PCDHGA11: variants seen among roughly 807,000 people sequenced by gnomAD.
The protein encoded by PCDHGA11 is protocadherin gamma subfamily A, 11, also known as protocadherin gamma-A11.
In PCDHGA11, 39 loss-of-function variants were observed where a neutral mutation model predicts 60.4. The observed-to-expected ratio is 0.65, with a 90% CI of 0.50 to 0.84. The LOEUF is 0.84. PCDHGA11 is among the 40% of genes least tolerant of loss of function. The pLI, the probability that PCDHGA11 is intolerant of heterozygous loss-of-function variation, is 0.00. For synonymous variants in PCDHGA11, 533 were observed against 510.3 expected, an observed-to-expected ratio of 1.04 and a Z score of -0.60; for missense variants, 1,165 against 1,197.7, an observed-to-expected ratio of 0.97 and a Z score of 0.40.
chr5:141,494,680 C>G (rs552351026), intron 1 of PCDHGA11, 127 bp from the exon 2 acceptor site: 2 of 1,560,096 alleles, frequency 1.3e-6, no homozygotes, highest in East Asian at 4.6e-5. Context: ...CCACCCCTGC[C>G]CCCTCTTAGT....
chr5:141,506,435 G>A (rs1470687416), intron 3 of PCDHGA11, among the ~76,000 whole-genome samples: 7 of 126,234 alleles, frequency 5.5e-5, no homozygotes, highest in African/African-American at 2.0e-4. Context: ...CAACAGTCTC[G>A]CTCTGTCTCA....
chr5:141,455,055 G>T (rs1019622889), intron 1 of PCDHGA11, among the ~76,000 whole-genome samples: 1 of 151,602 alleles, frequency 6.6e-6, no homozygotes, highest in African/African-American at 2.4e-5. Flanking sequence ...CTCGTGATCC[G>T]CCCGCCTCGG....
chr5:141,450,470 A>AGTTT (rs199699353), intron 1 of PCDHGA11, among the ~76,000 whole-genome samples: 2,037 of 151,800 alleles, frequency 0.013, 39 homozygotes, highest in African/African-American at 0.044. Flanking sequence ...TTATATATAG[A>AGTTT]GTTTGTTTGT....
In PCDHGA11 at chr5:141,423,390, T is replaced by C. The variant is rs751337994; in HGVS notation, c.2163T>C (p.His721=). ...TGGCACTCAGGCTGTGGCGCTGGCATAAGTCACGCCTGCTGCAGGCTTCTG... is the reference window on the plus strand; with the variant it reads ...TGGCACTCAGGCTGTGGCGCTGGCACAAGTCACGCCTGCTGCAGGCTTCTG... The part of the protein sequence containing the change: ...VLLALRLWRW[H]KSRLLQASEG... The change falls in exon 1 of 4, where the codon CAT becomes CAC. Residue 721 remains histidine, a synonymous_variant. Coordinates refer to ENST00000398587, the MANE Select transcript of PCDHGA11 (RefSeq NM_018914.3). 2.5e-6 allele frequency: 4 copies of C among 1,614,144 alleles called. No homozygotes were observed. In the South Asian group the frequency reaches 3.3e-5, roughly 13 times the overall value.
chr5:141,453,116 GT>G (rs2098756689), intron 1 of PCDHGA11, among the ~76,000 whole-genome samples: 1 of 151,698 alleles, frequency 6.6e-6, no homozygotes, highest in Admixed American at 6.6e-5. Context: ...GTTTTGTTTT[GT>G]TTTGTTTTGT....
chr5:141,505,267 A>G (rs2099845018), intron 2 of PCDHGA11, 126 bp from the exon 3 acceptor site: 1 of 1,514,640 alleles, frequency 6.6e-7, no homozygotes, highest in Admixed American at 2.0e-5. Flanking sequence ...TACCTTGCTG[A>G]GAGAAACAGG....
intron 1 of PCDHGA11, among the ~76,000 whole-genome samples, chr5:141,492,409 C>A (rs1367119266): frequency 6.6e-6 from 1 of 152,230 alleles, no homozygotes; most frequent in Non-Finnish European, 1.5e-5. Flanking sequence ...TCCCCTCTGC[C>A]GCTCCCTCCG....
intron 1 of PCDHGA11, among the ~76,000 whole-genome samples, chr5:141,466,965 C>G (rs1345790988): frequency 6.6e-6 from 1 of 152,016 alleles, no homozygotes; most frequent in African/African-American, 2.4e-5. Context: ...CAAATATTTT[C>G]TCACAGCTCA....
Position 141,432,253 on chromosome 5 carries a change from G to A in PCDHGA11, c.2433+8593G>A, listed in dbSNP as rs1193159615. ...CCCTGGCTGAGAACACCATCCAAGGGGCAAGCCTATCGTCCTACGTGTCCA... is the reference window on the plus strand; with the variant it reads ...CCCTGGCTGAGAACACCATCCAAGGAGCAAGCCTATCGTCCTACGTGTCCA... On this transcript the variant is annotated intron_variant, in intron 1 of 3. Coordinates refer to ENST00000398587, the MANE Select transcript of PCDHGA11 (RefSeq NM_018914.3). The surrounding 1 kb of genome is among the most constrained non-coding windows in gnomAD (Gnocchi z 6.0). 2.5e-6 allele frequency: 4 copies of A among 1,614,086 alleles called. No individual in the cohort carries two copies. Among genetic ancestry groups the A allele is most frequent in the Non-Finnish European group, 3.4e-6 (4 of 1,180,046 alleles).
Position 141,431,374 on chromosome 5 carries a change from GGCT to G in PCDHGA11, c.2433+7718_2433+7720del, listed in dbSNP as rs752583215. The G allele has an allele frequency of 1.7e-4, 275 of 1,613,980 alleles. No individual in the cohort carries two copies. Among genetic ancestry groups the G allele is most frequent in the Non-Finnish European group, 2.0e-4 (238 of 1,180,036 alleles). On this transcript the variant is annotated intron_variant, in intron 1 of 3. Coordinates refer to ENST00000398587, the MANE Select transcript of PCDHGA11 (RefSeq NM_018914.3). This position sits in a 1 kb window ranked among gnomAD's most constrained non-coding sequence, Gnocchi z 4.8. Reference sequence around the variant, plus strand: ...AACGCGCCCTGGACCGCGAAGAAAAGGCTGCTCACCACCTGGTCCTTACGGCCT... The same window carrying G: ...AACGCGCCCTGGACCGCGAAGAAAAGGCTCACCACCTGGTCCTTACGGCCT...
intron 1 of PCDHGA11, chr5:141,478,198 A>G (rs1393603398): frequency 6.2e-7 from 1 of 1,613,864 alleles, no homozygotes; most frequent in East Asian, 2.2e-5. Flanking sequence ...CCTTTTATCT[A>G]CTTCTTTCTC....
intron 1 of PCDHGA11, among the ~76,000 whole-genome samples, chr5:141,436,491 T>G (rs546883133): frequency 6.6e-6 from 1 of 152,182 alleles, no homozygotes; most frequent in Non-Finnish European, 1.5e-5. Flanking sequence ...GATAGCAGCT[T>G]TGCAATTAGG....
At chr5:141,430,633 C>T in intron 1 of PCDHGA11, 1 of 868,018 alleles carries the variant, frequency 1.2e-6, no homozygotes, top group Non-Finnish European at 1.7e-6. Context: ...ATGAACCATC[C>T]CTGGGAGTAT....
intron 3 of PCDHGA11, 62 bp downstream of exon 3, chr5:141,505,543 C>T: frequency 6.2e-7 from 1 of 1,609,636 alleles, no homozygotes; most frequent in Non-Finnish European, 8.5e-7. Flanking sequence ...GTGCATCTCA[C>T]AGCCACCATG....
Position 141,485,602 on chromosome 5 carries a change from G to A in PCDHGA11, c.2434-9205G>A, listed in dbSNP as rs766134158. On this transcript the variant is annotated intron_variant, in intron 1 of 3. Transcript: ENST00000398587. The surrounding 1 kb of genome is among the most constrained non-coding windows in gnomAD (Gnocchi z 5.7). ...GGCAGCAGCTGGACTTGGAAATTGG[G>A]GAGGCAGCTCCTCCAGGACAGCGTT... is the stretch of plus-strand genomic sequence containing the variant. 2.5e-6 allele frequency: 4 copies of A among 1,612,418 alleles called. No individual in the cohort carries two copies. In the Admixed American group the frequency reaches 5.0e-5, roughly 20 times the overall value.
At chr5:141,480,285 T>C (rs1369369395) in intron 1 of PCDHGA11, among the ~76,000 whole-genome samples, 1 of 151,924 alleles carries the variant, frequency 6.6e-6, no homozygotes, top group East Asian at 1.9e-4. Flanking sequence ...TGTGTTGGCA[T>C]GCACCTGTGG....
chr5:141,423,456 C>T lies in PCDHGA11; in HGVS notation c.2229C>T (p.Gly743=). The T allele has an allele frequency of 6.2e-7, 1 of 1,613,924 alleles. No homozygotes were observed. The highest frequency in any genetic ancestry group is 8.5e-7 in the Non-Finnish European group (1 of 1,179,888). ...LAGMPTSHFV[G]VDGVQAFLQT... ...GTATGCCCACGTCACATTTTGTAGG[C>T]GTGGACGGGGTACAGGCTTTCCTGC... The change falls in exon 1 of 4, where the codon GGC becomes GGT. Residue 743 remains glycine, a synonymous_variant. Coordinates refer to ENST00000398587, the MANE Select transcript of PCDHGA11 (RefSeq NM_018914.3).
chr5:141,441,362 G>A (rs1489202253), intron 1 of PCDHGA11: 1 of 152,484 alleles, frequency 6.6e-6, no homozygotes, highest in Non-Finnish European at 1.5e-5. Context: ...AACAAATGGG[G>A]CCGTGGACCA....
intron 2 of PCDHGA11, among the ~76,000 whole-genome samples, chr5:141,501,802 C>T (rs2099811151): frequency 1.3e-5 from 2 of 152,154 alleles, no homozygotes; most frequent in Non-Finnish European, 2.9e-5. Context: ...ATCTCTTACC[C>T]AGCTTCACAT....
Sources: allele counts gnomAD v4.1 joint callset (sites outside exome capture counted in the v4.1 genomes callset), GRCh38; gene constraint gnomAD v4.1.1; non-coding constraint Gnocchi (gnomAD v3.1); transcripts MANE v1.5; gene names NCBI Gene and HGNC (gene_info 2026-07-23, HGNC 2026-07-21).